Variants in LDB2 observed in about 807,000 individuals in gnomAD.
LDB2 encodes LIM domain-binding protein 2.
Under a neutral mutation model 44.3 loss-of-function variants are expected in LDB2, and 12 were observed. The observed-to-expected ratio is 0.27, with a 90% CI of 0.17 to 0.44. The LOEUF (loss-of-function observed/expected upper bound fraction) is 0.44, where lower values mean the gene tolerates loss of function less well. Among genes scored for constraint, LDB2 ranks in the 20% least tolerant of loss-of-function variants. The probability of loss-of-function intolerance (pLI) is 1.00; values close to 1 mark genes in which losing one functional copy is unlikely to be tolerated. For synonymous variants in LDB2, 164 were observed against 174.8 expected, an observed-to-expected ratio of 0.94 and a Z score of 0.49; for missense variants, 344 against 473.5, an observed-to-expected ratio of 0.73 and a Z score of 2.54.
chr4:16,515,844 A>AT (rs2152253978), intron 5 of LDB2, among the ~76,000 whole-genome samples: 2 of 149,956 alleles, frequency 1.3e-5, no homozygotes, highest in Non-Finnish European at 3.0e-5. Context: ...TTATTTATTT[A>AT]TTTATTTTAT....
intron 5 of LDB2, chr4:16,581,331 T>C: frequency 1.2e-6 from 1 of 822,628 alleles, no homozygotes; most frequent in Non-Finnish European, 1.5e-6. Context: ...GTCACACAGC[T>C]AGTAAGAAGA....
At position 16,617,618 on chromosome 4, in the gene LDB2, G is replaced by A. The variant is rs145245033; in HGVS notation, c.236-21743C>T. On this transcript the variant is annotated intron_variant, in intron 2 of 7. Transcript: ENST00000304523. Reference sequence around the variant, plus strand: ...ATGGCTGCCAAGGAGCCATAGCACCGCAAGAGGTCAGAGATTCAGTGTTCC... The same window carrying A: ...ATGGCTGCCAAGGAGCCATAGCACCACAAGAGGTCAGAGATTCAGTGTTCC... Among the ~76,000 whole-genome samples the A allele has an allele frequency of 2.8e-3, 423 of 152,268 alleles. 4 individuals are homozygous for A. Among genetic ancestry groups the A allele is most frequent in the African/African-American group, 9.6e-3 (397 of 41,546 alleles).
chr4:16,535,333 C>T lies in LDB2; in HGVS notation c.616-23229G>A, dbSNP rs540887575. Among the ~76,000 whole-genome samples, 293 of 152,318 alleles carry T rather than the reference C, an allele frequency of 1.9e-3. 4 individuals are homozygous for T. Among genetic ancestry groups the T allele is most frequent in the African/African-American group, 6.5e-3 (271 of 41,572 alleles). On this transcript the variant is annotated intron_variant, in intron 5 of 7. Coordinates refer to ENST00000304523, the MANE Select transcript of LDB2 (RefSeq NM_001290.5). ...ATCACTGTGCTGCCACTGTACCCTC[C>T]GTTTCCTTTAATAGAGCCTTTGGTG...
At chr4:16,845,152 G>A (rs2110136604) in intron 1 of LDB2, among the ~76,000 whole-genome samples, 1 of 152,284 alleles carries the variant, frequency 6.6e-6, no homozygotes, top group Non-Finnish European at 1.5e-5. Flanking sequence ...AAGGTCAGTG[G>A]CCTTTGTTCT....
In LDB2 at chr4:16,891,301, A is replaced by AT. The variant is rs1276936562; in HGVS notation, c.132+7052dup. Among the ~76,000 whole-genome samples the AT allele has an allele frequency of 7.6e-3, 895 of 117,338 alleles. 13 individuals carry two copies. The highest frequency in any genetic ancestry group is 0.015 in the Middle Eastern group (3 of 194). The allele number at this position is 117,338 out of a possible 152,430, so 77.0% of individuals were successfully genotyped here. ...TTCAGATAAAGTGGGAATCTTAAGT[A>AT]TTCTTTTTTTTTTTTTTTTTTTTTT... On this transcript the variant is annotated intron_variant, in intron 1 of 7. Transcript: ENST00000304523.
chr4:16,724,397 G>C (rs926543923), intron 2 of LDB2, among the ~76,000 whole-genome samples: 2 of 151,248 alleles, frequency 1.3e-5, no homozygotes, highest in African/African-American at 4.9e-5. Context: ...CTAGATAGTT[G>C]TGTTATTAAA....
intron 5 of LDB2, among the ~76,000 whole-genome samples, chr4:16,564,056 A>G (rs1743572173): frequency 6.6e-6 from 1 of 152,070 alleles, no homozygotes; most frequent in African/African-American, 2.4e-5. Context: ...CCCCTCCCTC[A>G]TTCTCCTTTC....
chr4:16,668,891 G>T (rs116085238), intron 2 of LDB2, among the ~76,000 whole-genome samples: 1 of 152,088 alleles, frequency 6.6e-6, no homozygotes, highest in Non-Finnish European at 1.5e-5. Flanking sequence ...CTACATTCTG[G>T]CTCCCTATTT....
At chr4:16,674,799 A>C (rs1366306623) in intron 2 of LDB2, among the ~76,000 whole-genome samples, 1 of 152,130 alleles carries the variant, frequency 6.6e-6, no homozygotes, top group Non-Finnish European at 1.5e-5. Context: ...ACACACACAC[A>C]CACACACATA....
chr4:16,506,114 G>A, intron 7 of LDB2: 1 of 876,340 alleles, frequency 1.1e-6, no homozygotes, highest in Non-Finnish European at 1.7e-6. Context: ...CCAGACAGTG[G>A]ATGCCTGCAG....
chr4:16,764,924 C>A (rs78888633), intron 1 of LDB2, among the ~76,000 whole-genome samples: 2,063 of 152,264 alleles, frequency 0.014, 50 homozygotes, highest in African/African-American at 0.046. Context: ...AGAGGCAAAG[C>A]AGGGTGCAGC....
chr4:16,678,801 T>C (rs1747010384), intron 2 of LDB2, among the ~76,000 whole-genome samples: 1 of 152,186 alleles, frequency 6.6e-6, no homozygotes, highest in Admixed American at 6.5e-5. Context: ...AATGGTCTTC[T>C]CTGCAGCCCC....
intron 1 of LDB2, among the ~76,000 whole-genome samples, chr4:16,824,375 G>A (rs1782667137): frequency 6.6e-6 from 1 of 152,206 alleles, no homozygotes. Context: ...TGCTTGACGA[G>A]CTGTTGGGAT....
chr4:16,652,070 C>A (rs576708446), intron 2 of LDB2, among the ~76,000 whole-genome samples: 6 of 152,212 alleles, frequency 3.9e-5, no homozygotes, highest in Admixed American at 3.3e-4. Flanking sequence ...TCCCCCTCAA[C>A]CTCCCAAGAA....
At chr4:16,562,056 A>G (rs1478906436) in intron 5 of LDB2, among the ~76,000 whole-genome samples, 2 of 152,234 alleles carry the variant, frequency 1.3e-5, no homozygotes, top group African/African-American at 4.8e-5. Context: ...TACATCTTAT[A>G]CAAAAATTAA....
chr4:16,672,931 G>A (rs960244054), intron 2 of LDB2, among the ~76,000 whole-genome samples: 1 of 127,428 alleles, frequency 7.8e-6, no homozygotes, highest in African/African-American at 3.0e-5. Context: ...CTTCCTTCTC[G>A]CTTCTCTCCC....
At chr4:16,508,298 T>A (rs563757214) in intron 7 of LDB2, among the ~76,000 whole-genome samples, 1 of 152,270 alleles carries the variant, frequency 6.6e-6, no homozygotes, top group Admixed American at 6.5e-5. Flanking sequence ...TTAATTCAGG[T>A]CCCATTGCAG....
At chr4:16,717,859 C>T (rs1490776698) in intron 2 of LDB2, among the ~76,000 whole-genome samples, 2 of 152,018 alleles carry the variant, frequency 1.3e-5, no homozygotes, top group African/African-American at 4.8e-5. Context: ...AATATGGCTG[C>T]CAATGTCAAG....
chr4:16,692,725 T>C lies in LDB2; in HGVS notation c.235+66433A>G, dbSNP rs550557944. On this transcript the variant is annotated intron_variant, in intron 2 of 7. Transcript: ENST00000304523. ...AGGAAGAAAAATGCAGATATGATGA[T>C]TTGTCTTGGTGAGTCTCAGAAACCA... is the stretch of plus-strand genomic sequence containing the variant. 4.6e-5 allele frequency among the ~76,000 whole-genome samples: 7 copies of C among 152,200 alleles called. No homozygotes were observed. The East Asian group carries it at 1.2e-3, about 25-fold the overall frequency.
Sources: allele counts gnomAD v4.1 joint callset (sites outside exome capture counted in the v4.1 genomes callset), GRCh38; gene constraint gnomAD v4.1.1; transcripts MANE v1.5; gene names NCBI Gene and HGNC (gene_info 2026-07-23, HGNC 2026-07-21).